DLGAP2: variants seen among roughly 807,000 people sequenced by gnomAD.
DLGAP2 encodes disks large-associated protein 2.
DLGAP2 carries 26 observed loss-of-function variants against 100.3 expected under a neutral mutation model. The ratio of observed to expected loss-of-function variants is 0.26; its 90% confidence interval spans 0.19 to 0.36. The LOEUF (loss-of-function observed/expected upper bound fraction) is 0.36, where lower values mean the gene tolerates loss of function less well. Among genes scored for constraint, DLGAP2 ranks in the 10% least tolerant of loss-of-function variants. The pLI is 1.00. For missense variants in DLGAP2, 1,858 were observed against 1,453.2 expected (o/e 1.28, Z -4.53); for synonymous variants, 886 against 630.1 (o/e 1.41, Z -6.08).
At chr8:1,325,239 T>G (rs1280449320) in intron 3 of DLGAP2, among the ~76,000 whole-genome samples, 2 of 152,216 alleles carry the variant, frequency 1.3e-5, no homozygotes, top group African/African-American at 4.8e-5. Flanking sequence ...AGACAGTCAT[T>G]CCACGACCCC....
chr8:1,435,329 G>A (rs927823670), intron 3 of DLGAP2, among the ~76,000 whole-genome samples: 2 of 152,158 alleles, frequency 1.3e-5, no homozygotes, highest in Non-Finnish European at 2.9e-5. Context: ...CTCCCACACC[G>A]GCGCTTTGAC....
At chr8:950,480 G>T (rs1799450701) in intron 2 of DLGAP2, among the ~76,000 whole-genome samples, 2 of 152,070 alleles carry the variant, frequency 1.3e-5, no homozygotes, top group African/African-American at 4.8e-5. Flanking sequence ...TTGGTATACA[G>T]GTGAGAAAAC....
chr8:1,141,170 A>C (rs1796515997), intron 2 of DLGAP2, among the ~76,000 whole-genome samples: 1 of 152,046 alleles, frequency 6.6e-6, no homozygotes, highest in African/African-American at 2.4e-5. Context: ...AGGGGCTTTT[A>C]CGTGGGGGCT....
Position 789,072 on chromosome 8 carries a change from T to C in DLGAP2, c.18+51247T>C, listed in dbSNP as rs1042486367. Among the ~76,000 whole-genome samples the C allele has an allele frequency of 2.0e-5, 3 of 152,332 alleles. No individual in the cohort carries two copies. The South Asian group carries it at 6.2e-4, about 32-fold the overall frequency. ...CTTCCTGTTGAGTTTCGAGAGTTCTTTATGTACTTTGGACACAAAACACAG... is the reference window on the plus strand; with the variant it reads ...CTTCCTGTTGAGTTTCGAGAGTTCTCTATGTACTTTGGACACAAAACACAG... On this transcript the variant is annotated intron_variant, in intron 1 of 14. Coordinates refer to ENST00000637795, the MANE Select transcript of DLGAP2 (RefSeq NM_001346810.2).
intron 1 of DLGAP2, among the ~76,000 whole-genome samples, chr8:767,858 C>G (rs1473377533): frequency 1.3e-5 from 2 of 152,202 alleles, no homozygotes; most frequent in East Asian, 3.9e-4. Context: ...TAAACTTGAC[C>G]CTCAGGGAGA....
At chr8:747,208 G>A (rs1239814068) in intron 1 of DLGAP2, among the ~76,000 whole-genome samples, 1 of 152,002 alleles carries the variant, frequency 6.6e-6, no homozygotes, top group African/African-American at 2.4e-5. Flanking sequence ...CTGAGTTTGT[G>A]TACTACCCAC....
chr8:1,624,464 C>G (rs1337443084), intron 6 of DLGAP2, among the ~76,000 whole-genome samples: 1 of 151,932 alleles, frequency 6.6e-6, no homozygotes, highest in African/African-American at 2.4e-5. Context: ...CACGTGGACA[C>G]ATTCAAAGGA....
chr8:1,619,996 C>A (rs1193024185), intron 6 of DLGAP2: 1 of 152,184 alleles, frequency 6.6e-6, no homozygotes, highest in African/African-American at 2.4e-5. Context: ...GTGTCTTTCC[C>A]ATGGTGTCTT....
intron 1 of DLGAP2, among the ~76,000 whole-genome samples, chr8:823,905 C>T (rs1458291213): frequency 6.6e-6 from 1 of 152,150 alleles, no homozygotes; most frequent in African/African-American, 2.4e-5. Flanking sequence ...GTGGCAGCGC[C>T]CGTGACACAC....
intron 2 of DLGAP2, among the ~76,000 whole-genome samples, chr8:1,119,544 G>A (rs1795986911): frequency 6.6e-6 from 1 of 152,222 alleles, no homozygotes; most frequent in Non-Finnish European, 1.5e-5. Context: ...GGGTAGCAGG[G>A]GCAGTAGCTG....
chr8:1,505,312 A>G (rs1020477716), intron 4 of DLGAP2, among the ~76,000 whole-genome samples: 2 of 152,252 alleles, frequency 1.3e-5, no homozygotes, highest in Non-Finnish European at 2.9e-5. Flanking sequence ...GGGACATTTT[A>G]CAGCACAGTA....
rs7387611 is a variant in DLGAP2 at position 1,419,423 on chromosome 8, C to T, written c.107-81943C>T. 1.1e-4 allele frequency among the ~76,000 whole-genome samples: 6 copies of T among 54,206 alleles called. 1 individual carries two copies. Among genetic ancestry groups the T allele is most frequent in the African/African-American group, 1.8e-4 (2 of 11,136 alleles). 35.6% of individuals were successfully genotyped at this position (54,206 alleles called of 152,430 possible). A position where few individuals can be genotyped will look rare whatever the true frequency, so the allele number is the denominator to read the frequency against. On this transcript the variant is annotated intron_variant, in intron 3 of 14. Transcript: ENST00000637795. ...AGTAATTGTACATATTTGTGGGATA[C>T]TGTGTTACACTCTGATACGTGTGTG...
At chr8:1,123,677 C>T (rs1040553977) in intron 2 of DLGAP2, among the ~76,000 whole-genome samples, 3 of 152,162 alleles carry the variant, frequency 2.0e-5, no homozygotes, top group Non-Finnish European at 4.4e-5. Context: ...ACCTCTTTTT[C>T]TCTTTTTTTC....
chr8:1,581,133 T>TACAC (rs1416779737), intron 6 of DLGAP2, among the ~76,000 whole-genome samples: 1 of 144,654 alleles, frequency 6.9e-6, no homozygotes, highest in East Asian at 2.1e-4. Flanking sequence ...ACCACACATC[T>TACAC]ACACACCACA....
intron 3 of DLGAP2, among the ~76,000 whole-genome samples, chr8:1,392,319 A>G (rs996200853): frequency 1.3e-5 from 2 of 152,112 alleles, no homozygotes; most frequent in African/African-American, 2.4e-5. Flanking sequence ...ATCTGGATCC[A>G]GGGTCGAGGT....
At position 1,558,776 on chromosome 8, in the gene DLGAP2, A is replaced by G. The variant is rs2130551135; in HGVS notation, c.1231-6907A>G. Among the ~76,000 whole-genome samples, 3 of 151,670 alleles carry G rather than the reference A, an allele frequency of 2.0e-5. No individual in the cohort carries two copies. In the Middle Eastern group the frequency reaches 0.01, roughly 523 times the overall value. On this transcript the variant is annotated intron_variant, in intron 5 of 14. Transcript: ENST00000637795. The stretch of plus-strand genomic sequence containing the variant: ...TGCACACCCATATAACTGCACACAT[A>G]CACATATACGCACATTACACATACA...
intron 2 of DLGAP2, among the ~76,000 whole-genome samples, chr8:1,181,577 T>G (rs558556860): frequency 1.3e-5 from 2 of 152,020 alleles, no homozygotes; most frequent in East Asian, 3.9e-4. Flanking sequence ...AGGAATTAAC[T>G]AATGGGTACT....
chr8:1,213,816 C>T (rs779392547), intron 2 of DLGAP2, among the ~76,000 whole-genome samples: 9 of 152,222 alleles, frequency 5.9e-5, no homozygotes, highest in Non-Finnish European at 1.0e-4. Flanking sequence ...TCAGCCACCG[C>T]TGCCTCCTGA....
intron 3 of DLGAP2, among the ~76,000 whole-genome samples, chr8:1,425,855 T>A (rs1035632303): frequency 1.3e-5 from 2 of 151,986 alleles, no homozygotes; most frequent in Non-Finnish European, 2.9e-5. Context: ...GTTCAGTGCC[T>A]GAGGCAGGGA....
Sources: allele counts gnomAD v4.1 joint callset (sites outside exome capture counted in the v4.1 genomes callset), GRCh38; gene constraint gnomAD v4.1.1; transcripts MANE v1.5; gene names NCBI Gene and HGNC (gene_info 2026-07-23, HGNC 2026-07-21).